Variants in SMAD1 observed in about 807,000 individuals in gnomAD.
SMAD1 encodes SMAD family member 1, also known as MAD, mothers against decapentaplegic homolog 1.
Under a neutral mutation model 41.6 loss-of-function variants are expected in SMAD1, and 6 were observed. That is an observed-to-expected ratio of 0.14 (90% CI 0.08 to 0.28). The LOEUF is 0.28. Among genes scored for constraint, SMAD1 ranks in the 10% least tolerant of loss-of-function variants. The pLI, the probability that SMAD1 is intolerant of heterozygous loss-of-function variation, is 1.00. For synonymous variants in SMAD1, 206 were observed against 203.2 expected (o/e 1.01, Z -0.12); for missense variants, 379 against 582.6 (o/e 0.65, Z 3.60).
chr4:145,517,414 A>C (rs1227276256), intron 2 of SMAD1, among the ~76,000 whole-genome samples: 1 of 152,100 alleles, frequency 6.6e-6, no homozygotes, highest in Non-Finnish European at 1.5e-5. Context: ...TACTTCACAC[A>C]TATCTCCCTA....
chr4:145,491,467 A>G (rs1363263131), intron 1 of SMAD1, among the ~76,000 whole-genome samples: 1 of 152,200 alleles, frequency 6.6e-6, no homozygotes, highest in East Asian at 1.9e-4. Context: ...ACTAATGAAC[A>G]CACAATGTTT....
At chr4:145,545,189 A>G (rs1002134644) in intron 4 of SMAD1, 10 of 152,144 alleles carry the variant, frequency 6.6e-5, no homozygotes, top group African/African-American at 2.4e-4. Context: ...GTATTCATTC[A>G]TTACATATTG....
At chr4:145,546,399 G>A (rs958650724) in intron 4 of SMAD1, 1 of 338,072 alleles carries the variant, frequency 3.0e-6, no homozygotes, top group African/African-American at 2.1e-5. Flanking sequence ...GCATATTACA[G>A]AGCAATTAGC....
Position 145,546,891 on chromosome 4 carries a change from A to G in SMAD1, c.964A>G (p.Thr322Ala). The G allele has an allele frequency of 1.2e-6, 2 of 1,614,092 alleles. No individual in the cohort carries two copies. The highest frequency in any genetic ancestry group is 1.3e-5 in the African/African-American group (1 of 75,036). ...GLLSNVNRNS[T>A]IENTRRHIGK... ...GCTCTCCAATGTTAACCGGAATTCC[A>G]CTATTGAAAACACCAGGCGGCATAT... Residue 322 changes from threonine (T) to alanine (A), a missense_variant, in exon 5 of 7, where the codon ACT becomes GCT. This residue lies in a region of SMAD1 where 107 missense variants were observed against 218.3 expected (regional missense o/e 0.49). Transcript: ENST00000302085.
intron 1 of SMAD1, among the ~76,000 whole-genome samples, chr4:145,488,338 A>G (rs1307483527): frequency 2.0e-5 from 3 of 152,006 alleles, no homozygotes; most frequent in Non-Finnish European, 2.9e-5. Flanking sequence ...ATATATTTTT[A>G]TACATAAGTT....
At chr4:145,496,542 G>T (rs780304329) in intron 1 of SMAD1, among the ~76,000 whole-genome samples, 25 of 152,138 alleles carry the variant, frequency 1.6e-4, no homozygotes, top group Non-Finnish European at 3.4e-4. Context: ...GGTTCGAACC[G>T]CAGGAGTCCA....
chr4:145,529,726 T>C (rs1480002405), intron 2 of SMAD1, among the ~76,000 whole-genome samples: 1 of 152,216 alleles, frequency 6.6e-6, no homozygotes, highest in Non-Finnish European at 1.5e-5. Context: ...GGATGATCTC[T>C]AGAAATTTGA....
At chr4:145,488,847 A>G (rs1728629520) in intron 1 of SMAD1, among the ~76,000 whole-genome samples, 1 of 152,232 alleles carries the variant, frequency 6.6e-6, no homozygotes, top group Non-Finnish European at 1.5e-5. Flanking sequence ...GAAAAATTAA[A>G]TGCAGCAACA....
At chr4:145,534,904 A>G (rs1339498861) in intron 2 of SMAD1, among the ~76,000 whole-genome samples, 1 of 152,204 alleles carries the variant, frequency 6.6e-6, no homozygotes, top group African/African-American at 2.4e-5. Context: ...ATATGTTGAT[A>G]AATGTGCCTA....
chr4:145,514,913 C>T lies in SMAD1; in HGVS notation c.300C>T (p.His100=), dbSNP rs779701737. 5 of 1,613,912 alleles carry T rather than the reference C, an allele frequency of 3.1e-6. No individual in the cohort carries two copies. In the Admixed American group the frequency reaches 6.7e-5, roughly 22 times the overall value. The change falls in exon 2 of 7, where the codon CAC becomes CAT. Residue 100 remains histidine (H), a synonymous_variant. Transcript: ENST00000302085. The surrounding 1 kb of genome is among the most constrained non-coding windows in gnomAD (Gnocchi z 4.7). ...GGCGCTGGCCCGATCTTCAGAGCCA[C>T]CATGAACTAAAACCACTGGAATGCT... ...RVWRWPDLQS[H]HELKPLECCE...
At chr4:145,525,355 AT>A (rs1212888916) in intron 2 of SMAD1, among the ~76,000 whole-genome samples, 1 of 152,134 alleles carries the variant, frequency 6.6e-6, no homozygotes, top group Non-Finnish European at 1.5e-5. Context: ...GAAAAATGAG[AT>A]TTGTTTGGGG....
intron 1 of SMAD1, among the ~76,000 whole-genome samples, chr4:145,505,866 G>A (rs1342468958): frequency 1.3e-5 from 2 of 150,134 alleles, no homozygotes; most frequent in Non-Finnish European, 3.0e-5. Flanking sequence ...TTTTTTTGAG[G>A]CGGAGTCTCA....
At position 145,488,123 on chromosome 4, in the gene SMAD1, T is replaced by C. The variant is rs141775013; in HGVS notation, c.-177+6085T>C. Among the ~76,000 whole-genome samples, 201 of 152,130 alleles carry C rather than the reference T, an allele frequency of 1.3e-3. 1 individual carries two copies. Among genetic ancestry groups the C allele is most frequent in the African/African-American group, 4.5e-3 (188 of 41,532 alleles). ...TTCTTAGTGTTTGAAAAAGGAACTT[T>C]TTTTTTTTTAATAAGAACCTAGGTT... On this transcript the variant is annotated intron_variant, in intron 1 of 6. Transcript: ENST00000302085.
intron 2 of SMAD1, 28 bp downstream of exon 2, chr4:145,515,041 C>T: frequency 1.9e-6 from 3 of 1,561,130 alleles, no homozygotes; most frequent in Non-Finnish European, 2.6e-6. Context: ...TGTTGATGTG[C>T]TTTGTGTGCC....
chr4:145,491,130 A>G (rs111982122), intron 1 of SMAD1, among the ~76,000 whole-genome samples: 1 of 152,242 alleles, frequency 6.6e-6, no homozygotes, highest in Non-Finnish European at 1.5e-5. Context: ...GTGACCAAAC[A>G]TACTCAAAAA....
At chr4:145,487,351 T>C (rs1156270246) in intron 1 of SMAD1, among the ~76,000 whole-genome samples, 1 of 152,092 alleles carries the variant, frequency 6.6e-6, no homozygotes, top group Non-Finnish European at 1.5e-5. Flanking sequence ...AATTTAAATA[T>C]AAAAAAGTGG....
At chr4:145,495,196 C>CTAAA (rs1293384760) in intron 1 of SMAD1, among the ~76,000 whole-genome samples, 1 of 152,094 alleles carries the variant, frequency 6.6e-6, no homozygotes, top group Non-Finnish European at 1.5e-5. Context: ...TCCTGTAATG[C>CTAAA]TAAAGTTGAG....
At chr4:145,557,722 C>A (rs2126568413) in intron 6 of SMAD1, 69 bp from the exon 7 acceptor site, 2 of 1,222,750 alleles carry the variant, frequency 1.6e-6, no homozygotes, top group Non-Finnish European at 2.3e-6. Context: ...GTTATGTGAA[C>A]TCTTCTTACT....
intron 2 of SMAD1, among the ~76,000 whole-genome samples, chr4:145,526,707 C>T (rs1731035177): frequency 6.6e-6 from 1 of 152,096 alleles, no homozygotes; most frequent in South Asian, 2.1e-4. Flanking sequence ...CTCTTGCTCA[C>T]AGTAGAATGC....
Sources: gnomAD v4.1 joint callset for allele counts (sites outside exome capture counted in the v4.1 genomes callset) on GRCh38, gnomAD v4.1.1 for gene constraint, gnomAD v4.1.1 regional missense constraint, Gnocchi (gnomAD v3.1) non-coding constraint, MANE v1.5 for transcripts, NCBI Gene and HGNC (gene_info 2026-07-23, HGNC 2026-07-21) for gene names.